Variants in MYO1D observed in about 807,000 individuals in gnomAD.
MYO1D encodes the protein myosin ID, also known as unconventional myosin-Id.
A neutral mutation model predicts 122.0 loss-of-function variants in MYO1D; 83 were observed. The ratio of observed to expected loss-of-function variants is 0.68; its 90% CI spans 0.57 to 0.82. MYO1D has a LOEUF of 0.82. Among genes scored for constraint, MYO1D ranks in the 40% least tolerant of loss-of-function variants. The pLI is 0.00. For synonymous variants in MYO1D, 464 were observed against 446.9 expected, an observed-to-expected ratio of 1.04 and a Z score of -0.48; for missense variants, 1,157 against 1,269.5, an observed-to-expected ratio of 0.91 and a Z score of 1.35.
intron 21 of MYO1D, among the ~76,000 whole-genome samples, chr17:32,593,117 C>T (rs1326573833): frequency 9.1e-6 from 1 of 109,968 alleles, no homozygotes; most frequent in Non-Finnish European, 2.0e-5. Context: ...AACCATTACT[C>T]TGGCCAGTTA....
At chr17:32,724,278 G>A (rs2089545787) in intron 14 of MYO1D, among the ~76,000 whole-genome samples, 1 of 152,142 alleles carries the variant, frequency 6.6e-6, no homozygotes, top group South Asian at 2.1e-4. Flanking sequence ...AACAGAATAA[G>A]CATTGTACAA....
At chr17:32,855,664 T>TA (rs1219620908) in intron 1 of MYO1D, among the ~76,000 whole-genome samples, 2 of 152,232 alleles carry the variant, frequency 1.3e-5, no homozygotes, top group Non-Finnish European at 2.9e-5. Context: ...CTGCAGAAGC[T>TA]GCAGGTCTAG....
chr17:32,695,227 C>G (rs560484842), intron 16 of MYO1D, among the ~76,000 whole-genome samples: 1 of 152,210 alleles, frequency 6.6e-6, no homozygotes, highest in Non-Finnish European at 1.5e-5. Context: ...TCATAAAGAG[C>G]GCACAGCCTA....
chr17:32,849,172 C>G (rs1267276831), intron 1 of MYO1D, among the ~76,000 whole-genome samples: 3 of 151,286 alleles, frequency 2.0e-5, no homozygotes, highest in Non-Finnish European at 4.4e-5. Context: ...ACAACAGGTG[C>G]TGGAGAGGAT....
At chr17:32,831,115 T>C (rs2090768006) in intron 1 of MYO1D, among the ~76,000 whole-genome samples, 1 of 152,180 alleles carries the variant, frequency 6.6e-6, no homozygotes, top group South Asian at 2.1e-4. Context: ...TTTTCATAAA[T>C]ATATTACTGA....
chr17:32,828,476 A>G (rs1264180912), intron 1 of MYO1D, among the ~76,000 whole-genome samples: 1 of 139,894 alleles, frequency 7.1e-6, no homozygotes, highest in East Asian at 2.2e-4. Flanking sequence ...AGATCGCACC[A>G]CTGAACTCCA....
chr17:32,573,820 C>T (rs534565329), intron 21 of MYO1D, among the ~76,000 whole-genome samples: 5 of 152,204 alleles, frequency 3.3e-5, no homozygotes, highest in South Asian at 2.1e-4. Context: ...CCACTGTGCC[C>T]GGTCTCTGAC....
intron 19 of MYO1D, among the ~76,000 whole-genome samples, chr17:32,649,369 C>T (rs180694919): frequency 6.6e-6 from 1 of 152,260 alleles, no homozygotes; most frequent in Non-Finnish European, 1.5e-5. Context: ...TCTCTTTCCC[C>T]AACCCCTAGA....
chr17:32,819,560 T>C (rs982366889), intron 1 of MYO1D, among the ~76,000 whole-genome samples: 1 of 152,200 alleles, frequency 6.6e-6, no homozygotes, highest in Non-Finnish European at 1.5e-5. Flanking sequence ...TTATGAACTT[T>C]TCTGCAGGGA....
intron 2 of MYO1D, among the ~76,000 whole-genome samples, chr17:32,779,977 T>C (rs1488844436): frequency 6.6e-6 from 1 of 152,152 alleles, no homozygotes. Context: ...TGAACAGATA[T>C]TTTTCCTGTC....
intron 16 of MYO1D, among the ~76,000 whole-genome samples, chr17:32,708,930 G>A (rs1418147322): frequency 6.6e-6 from 1 of 152,170 alleles, no homozygotes; most frequent in East Asian, 1.9e-4. Flanking sequence ...TGCATTTCTA[G>A]AAGCACAGTG....
chr17:32,861,483 G>A (rs938379194), intron 1 of MYO1D, among the ~76,000 whole-genome samples: 14 of 152,292 alleles, frequency 9.2e-5, no homozygotes, highest in South Asian at 4.1e-4. Flanking sequence ...GATTATAGGA[G>A]CTAAATGAAA....
intron 21 of MYO1D, among the ~76,000 whole-genome samples, chr17:32,562,134 G>A (rs1025235510): frequency 6.6e-6 from 1 of 152,064 alleles, no homozygotes; most frequent in Non-Finnish European, 1.5e-5. Flanking sequence ...GGGACTACAG[G>A]TGCATGCCAC....
At chr17:32,796,450 TGTC>T (rs1357424171) in intron 1 of MYO1D, among the ~76,000 whole-genome samples, 1 of 152,204 alleles carries the variant, frequency 6.6e-6, no homozygotes, top group Non-Finnish European at 1.5e-5. Context: ...CTCACAGTGT[TGTC>T]TGGACTGCAG....
intron 16 of MYO1D, among the ~76,000 whole-genome samples, chr17:32,690,079 A>G (rs1191996691): frequency 6.6e-6 from 1 of 151,970 alleles, no homozygotes. Context: ...TTTTCCTGAT[A>G]TATTTTTTAC....
At chr17:32,765,680 G>A (rs963524964) in intron 7 of MYO1D, among the ~76,000 whole-genome samples, 3 of 152,032 alleles carry the variant, frequency 2.0e-5, no homozygotes, top group Admixed American at 6.6e-5. Context: ...GGATGGTCTC[G>A]ACCTCCTGAC....
intron 21 of MYO1D, among the ~76,000 whole-genome samples, chr17:32,579,902 T>G (rs1363414475): frequency 1.3e-5 from 2 of 152,250 alleles, no homozygotes; most frequent in Non-Finnish European, 2.9e-5. Flanking sequence ...AATGGACATT[T>G]GGGTTATTCC....
At chr17:32,640,509 T>G (rs919884508) in intron 19 of MYO1D, among the ~76,000 whole-genome samples, 1 of 123,170 alleles carries the variant, frequency 8.1e-6, no homozygotes, top group Non-Finnish European at 1.6e-5. Context: ...CAGAGTGTGA[T>G]GTTCCCCTTC....
chr17:32,825,161 G>C (rs1439079963), intron 1 of MYO1D, among the ~76,000 whole-genome samples: 5 of 151,944 alleles, frequency 3.3e-5, no homozygotes, highest in Non-Finnish European at 5.9e-5. Context: ...AGCTTGTTTG[G>C]GTGTACAACA....
Sources: gnomAD v4.1 joint callset for allele counts (sites outside exome capture counted in the v4.1 genomes callset) on GRCh38, gnomAD v4.1.1 for gene constraint, MANE v1.5 for transcripts, NCBI Gene and HGNC (gene_info 2026-07-23, HGNC 2026-07-21) for gene names.